PCDHGA8: variants seen among roughly 807,000 people sequenced by gnomAD.
PCDHGA8 encodes the protein protocadherin gamma subfamily A, 8.
Under a neutral mutation model 59.2 loss-of-function variants are expected in PCDHGA8, and 45 were observed. That is an observed-to-expected ratio of 0.76 (90% CI 0.60 to 0.98). PCDHGA8 has a LOEUF of 0.98. Among genes scored for constraint, PCDHGA8 ranks in the 50% least tolerant of loss-of-function variants. PCDHGA8 has a pLI of 0.00. For missense variants in PCDHGA8, 1,257 were observed against 1,196.2 expected, an observed-to-expected ratio of 1.05 and a Z score of -0.75; for synonymous variants, 531 against 519.0, an observed-to-expected ratio of 1.02 and a Z score of -0.32.
chr5:141,433,076 C>T, intron 1 of PCDHGA8: 1 of 1,614,188 alleles, frequency 6.2e-7, no homozygotes, highest in Non-Finnish European at 8.5e-7. Context: ...CTTCCCCCAG[C>T]CCAACTATGC....
At chr5:141,465,144 T>A (rs965605798) in intron 1 of PCDHGA8, among the ~76,000 whole-genome samples, 4 of 152,008 alleles carry the variant, frequency 2.6e-5, no homozygotes, top group Admixed American at 6.6e-5. Flanking sequence ...TTAGGGGATA[T>A]ATGAAGGGAC....
Position 141,461,919 on chromosome 5 carries a change from G to T in PCDHGA8, c.2425-32888G>T, listed in dbSNP as rs10060711. On this transcript the variant is annotated intron_variant, in intron 1 of 3. Transcript: ENST00000398604. Reference sequence around the variant, plus strand: ...GCTCACTGCAACCTCTGCCTCCTGGGTTCCAGCAATTCTCCTGCCTCAACC... The same window carrying T: ...GCTCACTGCAACCTCTGCCTCCTGGTTTCCAGCAATTCTCCTGCCTCAACC... 5.4e-3 allele frequency among the ~76,000 whole-genome samples: 815 copies of T among 152,214 alleles called. 11 individuals are homozygous for T. Among genetic ancestry groups the T allele is most frequent in the African/African-American group, 0.019 (780 of 41,542 alleles).
intron 1 of PCDHGA8, among the ~76,000 whole-genome samples, chr5:141,483,689 G>A (rs1234666254): frequency 6.6e-6 from 1 of 152,022 alleles, no homozygotes; most frequent in Non-Finnish European, 1.5e-5. Flanking sequence ...CAGAAAGCCA[G>A]ATTCCTCTTT....
At position 141,398,955 on chromosome 5, in the gene PCDHGA8, A is replaced by T. The variant is rs2093730495; in HGVS notation, c.2424+3718A>T. 1.2e-6 allele frequency: 2 copies of T among 1,613,966 alleles called. No homozygotes were observed. Among genetic ancestry groups the T allele is most frequent in the African/African-American group, 1.3e-5 (1 of 75,040 alleles). On this transcript the variant is annotated intron_variant, in intron 1 of 3. Transcript: ENST00000398604. ...ACCAAGACGAGGGCATCAACTCAGA[A>T]ATTACTTATTCCTTCTACAGAACCG...
chr5:141,394,535 C>T lies in PCDHGA8; in HGVS notation c.1722C>T (p.Gly574=). ...YPALPTDGST[G]VELAPRSAER... Reference sequence around the variant, plus strand: ...CCCTCCCCACAGACGGTTCCACTGGCGTGGAGCTGGCGCCCCGCTCCGCAG... The same window carrying T: ...CCCTCCCCACAGACGGTTCCACTGGTGTGGAGCTGGCGCCCCGCTCCGCAG... The change falls in exon 1 of 4, where the codon GGC becomes GGT. Residue 574 remains glycine, a synonymous_variant. Transcript: ENST00000398604. 1 of 1,614,210 alleles carries T rather than the reference C, an allele frequency of 6.2e-7. No individual in the cohort carries two copies. Among genetic ancestry groups the T allele is most frequent in the Non-Finnish European group, 8.5e-7 (1 of 1,180,044 alleles).
At chr5:141,448,216 G>A (rs766377717) in intron 1 of PCDHGA8, among the ~76,000 whole-genome samples, 41 of 152,046 alleles carry the variant, frequency 2.7e-4, no homozygotes, top group African/African-American at 1.7e-4. Context: ...GTGTGTATGC[G>A]AATGTATGTG....
chr5:141,510,821 C>G, intron 3 of PCDHGA8, 126 bp from the exon 4 acceptor site: 2 of 1,559,324 alleles, frequency 1.3e-6, no homozygotes, highest in Non-Finnish European at 1.7e-6. Context: ...CCCCTATATT[C>G]CCAGTGCTCA....
chr5:141,428,031 G>A (rs760882803), intron 1 of PCDHGA8: 6 of 1,607,376 alleles, frequency 3.7e-6, no homozygotes, highest in South Asian at 3.3e-5. Context: ...CGCAGAGTCC[G>A]GCTACCTGGT....
chr5:141,445,376 A>T (rs1182418123), intron 1 of PCDHGA8, among the ~76,000 whole-genome samples: 1 of 152,220 alleles, frequency 6.6e-6, no homozygotes, highest in Non-Finnish European at 1.5e-5. Context: ...TGGGTGGTTC[A>T]TTCATTCATT....
rs539892249 is a variant in PCDHGA8 at position 141,500,355 on chromosome 5, C to T, written c.2484-5038C>T. ...TCCAGAATAGCTGGGACTACAGGCG[C>T]CCACTACCACGCCCGGCTAATTATT... On this transcript the variant is annotated intron_variant, in intron 2 of 3. Coordinates refer to ENST00000398604, the MANE Select transcript of PCDHGA8 (RefSeq NM_032088.2). Among the ~76,000 whole-genome samples, 274 of 152,030 alleles carry T rather than the reference C, an allele frequency of 1.8e-3. 2 individuals are homozygous for T. The highest frequency in any genetic ancestry group is 6.3e-3 in the African/African-American group (263 of 41,478).
At chr5:141,417,743 A>T in intron 1 of PCDHGA8, 2 of 1,419,054 alleles carry the variant, frequency 1.4e-6, no homozygotes, top group Non-Finnish European at 1.9e-6. Flanking sequence ...AGCACACCAG[A>T]TTGCCAGCTC....
intron 1 of PCDHGA8, among the ~76,000 whole-genome samples, chr5:141,397,091 A>G (rs1162135708): frequency 1.3e-5 from 2 of 152,264 alleles, no homozygotes; most frequent in Non-Finnish European, 2.9e-5. Flanking sequence ...CATTTCAGAT[A>G]GGATAATAAT....
chr5:141,461,037 G>T (rs1254497108), intron 1 of PCDHGA8, among the ~76,000 whole-genome samples: 1 of 150,988 alleles, frequency 6.6e-6, no homozygotes, highest in Non-Finnish European at 1.5e-5. Flanking sequence ...CCACTCATTA[G>T]TCGATGGGGA....
At chr5:141,468,924 C>G (rs1434433938) in intron 1 of PCDHGA8, among the ~76,000 whole-genome samples, 1 of 150,520 alleles carries the variant, frequency 6.6e-6, no homozygotes, top group Non-Finnish European at 1.5e-5. Context: ...GAGAATAGCA[C>G]TAAAATGGGA....
intron 1 of PCDHGA8, chr5:141,427,552 C>T (rs1233231671): frequency 1.5e-6 from 1 of 645,244 alleles, no homozygotes; most frequent in South Asian, 1.5e-5. Context: ...ATCACTGCCA[C>T]TGACAAGGGC....
intron 1 of PCDHGA8, chr5:141,430,576 T>G (rs767759432): frequency 3.3e-5 from 15 of 459,492 alleles, no homozygotes; most frequent in Non-Finnish European, 5.5e-5. Flanking sequence ...AAAGCGGAGA[T>G]CCTGCTCGCC....
In PCDHGA8 at chr5:141,491,169, G is replaced by A. The variant is rs374498014; in HGVS notation, c.2425-3638G>A. The A allele has an allele frequency of 1.2e-6, 2 of 1,614,192 alleles. No homozygotes were observed. Among genetic ancestry groups the A allele is most frequent in the African/African-American group, 1.3e-5 (1 of 75,058 alleles). On this transcript the variant is annotated intron_variant, in intron 1 of 3. Transcript: ENST00000398604. The surrounding 1 kb of genome is among the most constrained non-coding windows in gnomAD (Gnocchi z 6.9). ...TGGAGGATGACTCTGACACCCAGCA[G>A]GTGGTGGTCCTGGTGAGGGACAATG...
rs768471669 is a variant in PCDHGA8, at chr5:141,393,171, G to C, written c.358G>C (p.Glu120Gln). 6.2e-6 allele frequency: 10 copies of C among 1,613,150 alleles called. No homozygotes were observed. The highest frequency in any genetic ancestry group is 1.7e-5 in the Admixed American group (1 of 60,008). Residue 120 changes from glutamate (E) to glutamine (Q), a missense_variant, in exon 1 of 4, where the codon GAA (glutamate) becomes CAA (glutamine). Transcript: ENST00000398604. The part of the protein sequence containing the change: ...VEDKGKLFGV[E>Q]IEIIDINDNN... ...GGATAAAGGAAAACTCTTTGGGGTA[G>C]AAATAGAAATAATTGATATTAACGA...
chr5:141,408,773 T>C, intron 1 of PCDHGA8: 1 of 1,611,652 alleles, frequency 6.2e-7, no homozygotes, highest in Non-Finnish European at 8.5e-7. Flanking sequence ...TGGTGGCAAA[T>C]ACCCAGAGTT....
Sources: gnomAD v4.1 joint callset for allele counts (sites outside exome capture counted in the v4.1 genomes callset) on GRCh38, gnomAD v4.1.1 for gene constraint, Gnocchi (gnomAD v3.1) non-coding constraint, MANE v1.5 for transcripts, NCBI Gene and HGNC (gene_info 2026-07-23, HGNC 2026-07-21) for gene names.